The following DNAJA3 variants were observed in gnomAD, a reference collection of about 807,000 sequenced individuals.
DNAJA3 encodes DnaJ heat shock protein family (Hsp40) member A3, also known as dnaJ homolog subfamily A member 3, mitochondrial.
In DNAJA3, 29 loss-of-function variants were observed where a neutral mutation model predicts 54.9. The observed-to-expected ratio is 0.53, with a 90% confidence interval of 0.39 to 0.72. The LOEUF (loss-of-function observed/expected upper bound fraction) is 0.72. Ranked by LOEUF, DNAJA3 falls within the 30% of genes least tolerant of loss-of-function variation. The pLI is 0.00. For missense variants in DNAJA3, 708 were observed against 639.4 expected, an observed-to-expected ratio of 1.11 and a Z score of -1.16; for synonymous variants, 302 against 251.4, an observed-to-expected ratio of 1.20 and a Z score of -1.90.
chr16:4,448,451 C>T (rs562479853), intron 8 of DNAJA3, among the ~76,000 whole-genome samples: 1 of 151,894 alleles, frequency 6.6e-6, no homozygotes, highest in African/African-American at 2.4e-5. Context: ...TCAAGCAATT[C>T]TCCTACCTCA....
At chr16:4,449,152 A>G (rs1319314040) in intron 9 of DNAJA3, among the ~76,000 whole-genome samples, 1 of 151,816 alleles carries the variant, frequency 6.6e-6, no homozygotes, top group Admixed American at 6.6e-5. Context: ...GCCTGCCACC[A>G]TGCCCGGCTA....
At chr16:4,447,347 G>C (rs2056915079) in intron 8 of DNAJA3, 1 of 253,578 alleles carries the variant, frequency 3.9e-6, no homozygotes, top group African/African-American at 2.2e-5. Flanking sequence ...GGCTCCAAGA[G>C]CAGAAGACTC....
intron 2 of DNAJA3, among the ~76,000 whole-genome samples, chr16:4,435,243 G>T (rs976758276): frequency 1.3e-5 from 2 of 151,910 alleles, no homozygotes; most frequent in Admixed American, 6.6e-5. Context: ...GTATCCCAGG[G>T]TCTATTAGGG....
intron 2 of DNAJA3, 86 bp downstream of exon 2, chr16:4,434,603 G>T: frequency 1.3e-6 from 2 of 1,490,732 alleles, no homozygotes; most frequent in South Asian, 2.6e-5. Context: ...CAGCGTATGT[G>T]CCCATATGAA....
At chr16:4,437,089 G>T (rs964349797) in intron 2 of DNAJA3, among the ~76,000 whole-genome samples, 1 of 152,132 alleles carries the variant, frequency 6.6e-6, no homozygotes. Flanking sequence ...TCGTGCTTCA[G>T]CCTCCTGAGT....
intron 4 of DNAJA3, among the ~76,000 whole-genome samples, chr16:4,441,910 T>C (rs1473605449): frequency 6.6e-6 from 1 of 152,188 alleles, no homozygotes; most frequent in African/African-American, 2.4e-5. Flanking sequence ...CTCATTTATG[T>C]CCTTATAAGA....
chr16:4,440,029 C>A (rs1182740672), intron 3 of DNAJA3, among the ~76,000 whole-genome samples: 1 of 152,046 alleles, frequency 6.6e-6, no homozygotes, highest in Non-Finnish European at 1.5e-5. Context: ...ACCTCAACCT[C>A]CGTGCTCAAG....
intron 3 of DNAJA3, among the ~76,000 whole-genome samples, chr16:4,439,250 A>T (rs1452677721): frequency 6.6e-6 from 1 of 151,684 alleles, no homozygotes; most frequent in African/African-American, 2.4e-5. Flanking sequence ...AATCCCAGCT[A>T]TTCAGGAGGC....
chr16:4,426,108 A>G lies in DNAJA3; in HGVS notation c.211+16A>G. The G allele has an allele frequency of 6.5e-7, 1 of 1,546,556 alleles. No homozygotes were observed. ...AGCCTTACAGGTGAGGGCAGGTTCC[A>G]ACTTCCGAGTGGCGGTTTCAGGGCC... On this transcript the variant is annotated intron_variant, in intron 1 of 11. Transcript: ENST00000262375.
Position 4,444,742 on chromosome 16 carries a change from C to T in DNAJA3, c.996+14C>T. On this transcript the variant is annotated intron_variant, in intron 7 of 11. Transcript: ENST00000262375. ...ATTACGTTCAGGGTAGGTGCCCTGC[C>T]CCGCACAGCTTCTGTTGGGCCTTTC... The T allele has an allele frequency of 1.9e-6, 3 of 1,612,134 alleles. No homozygotes were observed. Among genetic ancestry groups the T allele is most frequent in the South Asian group, 1.1e-5 (1 of 90,910 alleles).
intron 4 of DNAJA3, 51 bp from the exon 5 acceptor site, chr16:4,442,217 G>T: frequency 6.6e-7 from 1 of 1,523,882 alleles, no homozygotes; most frequent in Non-Finnish European, 8.8e-7. Context: ...CCGAGCGTCA[G>T]TTTTGGTCGT....
chr16:4,444,834 C>A lies in DNAJA3; in HGVS notation c.996+106C>A, dbSNP rs1361199283. 6.6e-6 allele frequency: 7 copies of A among 1,064,962 alleles called. No homozygotes were observed. In the African/African-American group the frequency reaches 7.9e-5, roughly 12 times the overall value. The allele number at this position is 1,064,962 out of a possible 1,614,324, so 66.0% of individuals were successfully genotyped here. On this transcript the variant is annotated intron_variant, in intron 7 of 11. Transcript: ENST00000262375. ...CAAAGCTTCACAGGAACATGTCTCGCCATTCATGTTTCTGAGGGGCACAGT... is the reference window on the plus strand; with the variant it reads ...CAAAGCTTCACAGGAACATGTCTCGACATTCATGTTTCTGAGGGGCACAGT...
intron 8 of DNAJA3, chr16:4,448,019 AG>A (rs1198519070): frequency 1.2e-5 from 1 of 85,486 alleles, no homozygotes; most frequent in African/African-American, 4.2e-5. Context: ...GCCCAGTGGC[AG>A]TTCTTTTTTT....
intron 1 of DNAJA3, chr16:4,431,808 C>A (rs1470442456): frequency 6.6e-6 from 1 of 152,164 alleles, no homozygotes; most frequent in Non-Finnish European, 1.5e-5. Context: ...GAACTCCTGA[C>A]CTCAAGTGAT....
chr16:4,428,411 C>G (rs1567321251), intron 1 of DNAJA3, among the ~76,000 whole-genome samples: 4 of 152,162 alleles, frequency 2.6e-5, no homozygotes, highest in Non-Finnish European at 4.4e-5. Flanking sequence ...ATTTTTAGAG[C>G]TTGCTAACAT....
chr16:4,432,584 C>G lies in DNAJA3; in HGVS notation c.212-1800C>G, dbSNP rs185606356. On this transcript the variant is annotated intron_variant, in intron 1 of 11. Transcript: ENST00000262375. ...CTCTAACTCCTGACCTCAGGTGATCCGCCCGCCTTGGCCTCCCAAAGTGCT... is the reference window on the plus strand; with the variant it reads ...CTCTAACTCCTGACCTCAGGTGATCGGCCCGCCTTGGCCTCCCAAAGTGCT... Among the ~76,000 whole-genome samples the G allele has an allele frequency of 2.0e-5, 3 of 152,034 alleles. No individual in the cohort carries two copies. The East Asian group carries it at 5.9e-4, about 30-fold the overall frequency.
At chr16:4,442,969 A>G (rs1276760136) in intron 5 of DNAJA3, 48 bp from the exon 6 acceptor site, 7 of 1,592,152 alleles carry the variant, frequency 4.4e-6, no homozygotes, top group Admixed American at 1.7e-5. Flanking sequence ...AGAACCACCC[A>G]TCAGTTTACC....
intron 1 of DNAJA3, among the ~76,000 whole-genome samples, chr16:4,429,284 C>T (rs200237735): frequency 1.3e-4 from 20 of 151,978 alleles, no homozygotes; most frequent in African/African-American, 4.3e-4. Flanking sequence ...CTTGACTCAC[C>T]GTGATCTCGG....
At chr16:4,429,186 C>CTACA (rs1414630978) in intron 1 of DNAJA3, among the ~76,000 whole-genome samples, 6 of 150,038 alleles carry the variant, frequency 4.0e-5, no homozygotes, top group Middle Eastern at 3.6e-3. Context: ...CGCGCCCGGC[C>CTACA]AAGATTTTTT....
Sources: allele counts gnomAD v4.1 joint callset (sites outside exome capture counted in the v4.1 genomes callset), GRCh38; gene constraint gnomAD v4.1.1; transcripts MANE v1.5; gene names NCBI Gene and HGNC (gene_info 2026-07-23, HGNC 2026-07-21).